Variants in PSMD1 observed in about 807,000 individuals in gnomAD.
PSMD1 encodes proteasome 26S subunit, non-ATPase 1.
PSMD1 carries 18 observed loss-of-function variants against 119.0 expected under a neutral mutation model. The observed-to-expected ratio is 0.15, with a 90% CI of 0.10 to 0.22. PSMD1 has a LOEUF of 0.22. Among genes scored for constraint, PSMD1 ranks in the 10% least tolerant of loss-of-function variants. PSMD1 has a pLI of 1.00. For missense variants in PSMD1, 702 were observed against 1,158.5 expected, an observed-to-expected ratio of 0.61 and a Z score of 5.72; for synonymous variants, 374 against 396.6, an observed-to-expected ratio of 0.94 and a Z score of 0.68.
At chr2:231,064,318 C>G (rs746622460) in intron 4 of PSMD1, among the ~76,000 whole-genome samples, 5 of 152,152 alleles carry the variant, frequency 3.3e-5, no homozygotes, top group Non-Finnish European at 7.4e-5. Context: ...TCCAGAAAAT[C>G]CAGGACTCAT....
chr2:231,137,536 C>CTT (rs368828963), intron 16 of PSMD1, among the ~76,000 whole-genome samples: 5 of 151,736 alleles, frequency 3.3e-5, no homozygotes, highest in African/African-American at 1.2e-4. Flanking sequence ...TTTTTTCTTT[C>CTT]TTTTTTTTGT....
chr2:231,105,109 A>G (rs909765590), intron 16 of PSMD1, among the ~76,000 whole-genome samples: 7 of 152,156 alleles, frequency 4.6e-5, no homozygotes, highest in African/African-American at 1.7e-4. Context: ...ATTCTTATGT[A>G]TATTATCTCC....
chr2:231,155,108 T>G (rs1191395474), intron 19 of PSMD1, among the ~76,000 whole-genome samples: 1 of 152,242 alleles, frequency 6.6e-6, no homozygotes, highest in Non-Finnish European at 1.5e-5. Flanking sequence ...ACTTCATTCT[T>G]CAACTATGTG....
chr2:231,122,264 GTGTAAACC>G (rs1695571354), intron 16 of PSMD1, among the ~76,000 whole-genome samples: 1 of 152,068 alleles, frequency 6.6e-6, no homozygotes, highest in Admixed American at 6.5e-5. Context: ...AAAATGGAAG[GTGTAAACC>G]TGTTACTATC....
intron 16 of PSMD1, among the ~76,000 whole-genome samples, chr2:231,122,442 A>C (rs1238950651): frequency 1.3e-5 from 2 of 152,246 alleles, no homozygotes; most frequent in East Asian, 3.9e-4. Context: ...ATCTTCATAT[A>C]AGTAAATATA....
chr2:231,076,708 T>C (rs571678671), intron 8 of PSMD1, among the ~76,000 whole-genome samples: 1 of 152,274 alleles, frequency 6.6e-6, no homozygotes, highest in Admixed American at 6.5e-5. Flanking sequence ...GTTTTCTCAG[T>C]TTCAAGTAGG....
intron 16 of PSMD1, among the ~76,000 whole-genome samples, chr2:231,120,225 T>A (rs1695490933): frequency 6.6e-6 from 1 of 152,212 alleles, no homozygotes; most frequent in Non-Finnish European, 1.5e-5. Context: ...GTGCTGGGGT[T>A]ACAGGCATGA....
chr2:231,152,901 AT>A (rs1197279356), intron 18 of PSMD1, among the ~76,000 whole-genome samples: 1 of 152,208 alleles, frequency 6.6e-6, no homozygotes, highest in Non-Finnish European at 1.5e-5. Flanking sequence ...AATATATTTT[AT>A]AAATATATGT....
Position 231,138,826 on chromosome 2 carries a change from A to G in PSMD1, c.1974A>G (p.Ile658Met), listed in dbSNP as rs1464932725. 1 of 1,613,970 alleles carries G rather than the reference A, an allele frequency of 6.2e-7. No homozygotes were observed. Among genetic ancestry groups the G allele is most frequent in the East Asian group, 2.2e-5 (1 of 44,886 alleles). The change falls in exon 17 of 25, where the codon ATA becomes ATG. Residue 658 changes from isoleucine to methionine, a missense_variant. Transcript: ENST00000308696. ...VRYGAAMALG[I>M]CCAGTGNKEA... ...ACGGAGCTGCAATGGCCTTGGGGAT[A>G]TGCTGTGCTGGTACAGGAAACAAGG...
At chr2:231,083,448 C>A in intron 13 of PSMD1, 119 bp from the exon 14 acceptor site, 2 of 1,027,868 alleles carry the variant, frequency 1.9e-6, no homozygotes, top group Non-Finnish European at 1.4e-6. Flanking sequence ...TAAAAAAATG[C>A]TATCAGAAGC....
chr2:231,117,589 A>C (rs1363761943), intron 16 of PSMD1, among the ~76,000 whole-genome samples: 1 of 152,150 alleles, frequency 6.6e-6, no homozygotes, highest in Non-Finnish European at 1.5e-5. Context: ...TCAGTAGCAC[A>C]AATATTTTAT....
chr2:231,138,041 A>C (rs1306426909), intron 16 of PSMD1, among the ~76,000 whole-genome samples: 1 of 152,176 alleles, frequency 6.6e-6, no homozygotes, highest in Non-Finnish European at 1.5e-5. Flanking sequence ...CTCTTCTTAC[A>C]TTCTCTTCTA....
chr2:231,084,115 G>A lies in PSMD1; in HGVS notation c.1722+352G>A, dbSNP rs146911626. 4.6e-3 allele frequency among the ~76,000 whole-genome samples: 701 copies of A among 152,182 alleles called. 6 individuals are homozygous for A. The highest frequency in any genetic ancestry group is 0.016 in the African/African-American group (680 of 41,496). On this transcript the variant is annotated intron_variant, in intron 14 of 24. Coordinates refer to ENST00000308696, the MANE Select transcript of PSMD1 (RefSeq NM_002807.4). ...TGTAATCCTAGCATTTTGGGAGGCC[G>A]AGGCAGGTGGATCACTTGAGGTCAG... is the stretch of plus-strand genomic sequence containing the variant.
intron 19 of PSMD1, among the ~76,000 whole-genome samples, chr2:231,159,255 C>T (rs567403117): frequency 7.0e-4 from 107 of 152,244 alleles, no homozygotes; most frequent in Middle Eastern, 3.4e-3. Flanking sequence ...TTCTGTGATC[C>T]AGCACTAACT....
At chr2:231,125,297 C>G (rs934192790) in intron 16 of PSMD1, among the ~76,000 whole-genome samples, 2 of 152,174 alleles carry the variant, frequency 1.3e-5, no homozygotes, top group Non-Finnish European at 2.9e-5. Context: ...TAAACTTGAT[C>G]ATTTTAGCTT....
intron 16 of PSMD1, among the ~76,000 whole-genome samples, chr2:231,100,595 T>C (rs1694841772): frequency 1.3e-5 from 2 of 152,002 alleles, no homozygotes; most frequent in African/African-American, 2.4e-5. Context: ...TCAAAAAAGG[T>C]TCCTTTATGA....
At chr2:231,145,652 G>T (rs766897818) in intron 17 of PSMD1, among the ~76,000 whole-genome samples, 1 of 152,134 alleles carries the variant, frequency 6.6e-6, no homozygotes, top group African/African-American at 2.4e-5. Flanking sequence ...GCAGCACTTT[G>T]GGAGGCTGAG....
intron 17 of PSMD1, among the ~76,000 whole-genome samples, chr2:231,144,338 G>C (rs1370590943): frequency 6.8e-6 from 1 of 147,330 alleles, no homozygotes; most frequent in Admixed American, 6.9e-5. Flanking sequence ...TGCAACCTCT[G>C]CCTCCTTGGT....
At chr2:231,123,484 A>T in intron 16 of PSMD1, 2 of 1,614,096 alleles carry the variant, frequency 1.2e-6, no homozygotes, top group Admixed American at 1.7e-5. Flanking sequence ...CGCCAAGGAC[A>T]TTAGAAAGTA....
Sources: allele counts gnomAD v4.1 joint callset (sites outside exome capture counted in the v4.1 genomes callset), GRCh38; gene constraint gnomAD v4.1.1; transcripts MANE v1.5; gene names NCBI Gene and HGNC (gene_info 2026-07-23, HGNC 2026-07-21).